FMN1: variants seen among roughly 807,000 people sequenced by gnomAD.
FMN1 encodes formin 1.
A neutral mutation model predicts 132.4 loss-of-function variants in FMN1; 110 were observed. That is an observed-to-expected ratio of 0.83 (90% confidence interval 0.71 to 0.97). The LOEUF (loss-of-function observed/expected upper bound fraction) is 0.97. Among genes scored for constraint, FMN1 ranks in the 50% least tolerant of loss-of-function variants. The pLI, the probability that FMN1 is intolerant of heterozygous loss-of-function variation, is 0.00. For missense variants in FMN1, 1,792 were observed against 1,705.3 expected (o/e 1.05, Z -0.90); for synonymous variants, 722 against 651.7 (o/e 1.11, Z -1.64).
chr15:32,821,873 A>T (rs1248088230), intron 17 of FMN1, among the ~76,000 whole-genome samples: 2 of 152,098 alleles, frequency 1.3e-5, no homozygotes, highest in African/African-American at 4.8e-5. Context: ...TCTCCTCCTA[A>T]ATTCTACGGT....
chr15:32,784,978 C>T (rs1428244656), intron 19 of FMN1, among the ~76,000 whole-genome samples: 1 of 151,872 alleles, frequency 6.6e-6, no homozygotes, highest in Admixed American at 6.6e-5. Context: ...CCTATGGCTT[C>T]TCCCAACTTA....
chr15:33,104,447 C>T (rs1352136307), intron 4 of FMN1, among the ~76,000 whole-genome samples: 1 of 151,868 alleles, frequency 6.6e-6, no homozygotes, highest in Non-Finnish European at 1.5e-5. Context: ...TTTGAAATGA[C>T]AATTATATGT....
Position 33,012,798 on chromosome 15 carries a change from T to G in FMN1, c.2162-4723A>C, listed in dbSNP as rs6494834. 5.1e-3 allele frequency: 3,499 copies of G among 681,492 alleles called. 86 individuals carry two copies. In the African/African-American group the frequency reaches 0.052, roughly 10 times the overall value. 42.2% of individuals were successfully genotyped at this position (681,492 alleles called of 1,614,324 possible). On this transcript the variant is annotated intron_variant, in intron 6 of 20. Coordinates refer to ENST00000616417, the MANE Select transcript of FMN1 (RefSeq NM_001277313.2). ...AAAACTTCAGTGGTCATGGTGGCTT[T>G]AGTGGCAGCTGTGGTGGTGGAGGAT...
chr15:33,173,656 C>T (rs1342791700), intron 3 of FMN1, among the ~76,000 whole-genome samples: 1 of 152,196 alleles, frequency 6.6e-6, no homozygotes, highest in East Asian at 1.9e-4. Context: ...AGGCCGGGCA[C>T]GGTGGCTCAC....
chr15:33,130,664 G>A (rs531853147), intron 4 of FMN1, among the ~76,000 whole-genome samples: 9 of 152,304 alleles, frequency 5.9e-5, no homozygotes, highest in African/African-American at 1.9e-4. Context: ...AGGGTTTGGA[G>A]CAGTTTTTAT....
At chr15:33,082,101 G>GTC (rs2038501188) in intron 5 of FMN1, among the ~76,000 whole-genome samples, 1 of 124,378 alleles carries the variant, frequency 8.0e-6, no homozygotes, top group Non-Finnish European at 1.7e-5. Context: ...CAATGTGTGT[G>GTC]TGTGTGTGTG....
intron 4 of FMN1, among the ~76,000 whole-genome samples, chr15:33,140,247 T>C (rs1211453179): frequency 1.4e-5 from 2 of 145,942 alleles, no homozygotes; most frequent in Non-Finnish European, 3.0e-5. Context: ...GCTTATCCGT[T>C]TATCCCCTTT....
chr15:33,046,377 G>GCCTACATC (rs2036685917), intron 6 of FMN1, among the ~76,000 whole-genome samples: 1 of 152,172 alleles, frequency 6.6e-6, no homozygotes, highest in South Asian at 2.1e-4. Context: ...ATCTAGGGAT[G>GCCTACATC]CCTATTAATA....
intron 17 of FMN1, among the ~76,000 whole-genome samples, chr15:32,815,067 C>G (rs369307194): frequency 8.6e-5 from 13 of 152,042 alleles, no homozygotes; most frequent in Admixed American, 3.9e-4. Context: ...CTCAGCCTCC[C>G]GAGTAGCTGG....
intron 2 of FMN1, among the ~76,000 whole-genome samples, chr15:33,187,711 C>T (rs1965934123): frequency 6.6e-6 from 1 of 152,152 alleles, no homozygotes; most frequent in South Asian, 2.1e-4. Flanking sequence ...TCTTCCCATG[C>T]CGTGGCACTG....
intron 6 of FMN1, among the ~76,000 whole-genome samples, chr15:33,051,567 G>A (rs2036973864): frequency 6.6e-6 from 1 of 152,174 alleles, no homozygotes; most frequent in South Asian, 2.1e-4. Flanking sequence ...ACCTGAAACT[G>A]GTGATCAGCA....
chr15:33,050,790 T>A (rs2141174280), intron 6 of FMN1, among the ~76,000 whole-genome samples: 1 of 152,244 alleles, frequency 6.6e-6, no homozygotes, highest in Non-Finnish European at 1.5e-5. Flanking sequence ...TTGCAAACAG[T>A]GAAAGATTCT....
rs1439909372 is a variant in FMN1, at chr15:32,769,976, T to C, written c.*4334A>G. On this transcript the variant is annotated 3_prime_UTR_variant, in exon 21 of 21. Transcript: ENST00000616417. ...GAAGCTCAAATATAACTGATGCTTG[T>C]TAGCAATTTAAAAAGACAATTTAAA... is the stretch of plus-strand genomic sequence containing the variant. 2.6e-5 allele frequency: 4 copies of C among 152,246 alleles called. No individual in the cohort carries two copies. The highest frequency in any genetic ancestry group is 5.9e-5 in the Non-Finnish European group (4 of 68,038). The allele number at this position is 152,246 out of a possible 1,614,324, so 9.4% of individuals were successfully genotyped here.
At chr15:32,902,368 C>CT (rs369241718) in intron 12 of FMN1, among the ~76,000 whole-genome samples, 1 of 152,256 alleles carries the variant, frequency 6.6e-6, no homozygotes, top group African/African-American at 2.4e-5. Context: ...AAGCCCCAGT[C>CT]TTTAACACAC....
intron 14 of FMN1, among the ~76,000 whole-genome samples, chr15:32,899,601 C>A (rs1011038234): frequency 3.3e-5 from 5 of 152,142 alleles, no homozygotes; most frequent in Non-Finnish European, 7.4e-5. Flanking sequence ...CATTGCTCTG[C>A]CATTCAGGAA....
intron 4 of FMN1, among the ~76,000 whole-genome samples, chr15:33,105,480 T>A (rs1260527712): frequency 2.0e-5 from 3 of 152,084 alleles, no homozygotes; most frequent in Non-Finnish European, 4.4e-5. Flanking sequence ...TTCAGACTTC[T>A]CAGAAATAAA....
chr15:32,885,807 T>A (rs1327560186), intron 16 of FMN1, among the ~76,000 whole-genome samples: 2 of 109,916 alleles, frequency 1.8e-5, no homozygotes, highest in Non-Finnish European at 3.4e-5. Flanking sequence ...TTAATACTAT[T>A]TTTTTTTTTT....
intron 3 of FMN1, among the ~76,000 whole-genome samples, chr15:33,160,842 A>G (rs11072275): frequency 0.36 from 54,991 of 152,092 alleles, 12,014 homozygotes; most frequent in Admixed American, 0.46. Context: ...GTCTATGACA[A>G]CATTGCAGCA....
At chr15:32,792,632 C>A (rs2057128680) in intron 19 of FMN1, among the ~76,000 whole-genome samples, 1 of 152,148 alleles carries the variant, frequency 6.6e-6, no homozygotes, top group African/African-American at 2.4e-5. Flanking sequence ...TGGCTCCCAG[C>A]TAAGCCTACA....
Sources: allele counts gnomAD v4.1 joint callset (sites outside exome capture counted in the v4.1 genomes callset), GRCh38; gene constraint gnomAD v4.1.1; transcripts MANE v1.5; gene names NCBI Gene and HGNC (gene_info 2026-07-23, HGNC 2026-07-21).